The following KDM2B variants were observed in gnomAD, a reference collection of about 807,000 sequenced individuals.
KDM2B encodes the protein lysine demethylase 2B.
KDM2B carries 26 observed loss-of-function variants against 150.0 expected under a neutral mutation model. That is an observed-to-expected ratio of 0.17 (90% CI 0.13 to 0.24). The LOEUF (loss-of-function observed/expected upper bound fraction) is 0.24. KDM2B is among the 10% of genes least tolerant of loss of function. The probability of loss-of-function intolerance (pLI) is 1.00; values close to 1 mark genes in which losing one functional copy is unlikely to be tolerated. For synonymous variants in KDM2B, 734 were observed against 729.5 expected (o/e 1.01, Z -0.10); for missense variants, 1,265 against 1,816.9 (o/e 0.70, Z 5.52).
intron 6 of KDM2B, among the ~76,000 whole-genome samples, chr12:121,545,027 T>G (rs1888914274): frequency 6.6e-6 from 1 of 152,176 alleles, no homozygotes; most frequent in African/African-American, 2.4e-5. Context: ...CCTACTGCAG[T>G]CCTTCCCTCA....
downstream of KDM2B, among the ~76,000 whole-genome samples, chr12:121,426,560 C>T (rs1872521954): frequency 6.6e-6 from 1 of 151,624 alleles, no homozygotes; most frequent in South Asian, 2.1e-4. Context: ...GCCCTCCCGC[C>T]TCAGCCTCCC....
At chr12:121,439,764 T>C (rs1874666665) in intron 22 of KDM2B, 93 bp downstream of exon 22, 3 of 906,768 alleles carry the variant, frequency 3.3e-6, no homozygotes, top group South Asian at 2.9e-5. Flanking sequence ...TGTGACCACA[T>C]AGCTGTAGAC....
chr12:121,499,173 C>T (rs112336716), intron 11 of KDM2B, among the ~76,000 whole-genome samples: 2,791 of 146,922 alleles, frequency 0.019, 90 homozygotes, highest in African/African-American at 0.068. Context: ...TGCAGTGGCA[C>T]AATCTTAGCT....
intron 12 of KDM2B, among the ~76,000 whole-genome samples, chr12:121,487,703 G>A (rs1882914121): frequency 6.6e-6 from 1 of 151,816 alleles, no homozygotes; most frequent in African/African-American, 2.4e-5. Context: ...AACCCCCAGG[G>A]GCACATTCTC....
In KDM2B at chr12:121,444,198, C is replaced by T. The variant is rs1875721056; in HGVS notation, c.2265G>A (p.Arg755=). 6.2e-7 allele frequency: 1 copy of T among 1,613,052 alleles called. No individual in the cohort carries two copies. The highest frequency in any genetic ancestry group is 1.3e-5 in the African/African-American group (1 of 74,960). ...CAGGTTCCTGCCCTTCCTTGTTGTC[C>T]CGGTTCATCTTCTGCTCCTTGAGCA... ...GSLLKEQKMN[R]DNKEGQEPAK... Residue 755 remains arginine, a synonymous_variant, in exon 16 of 23, where the codon CGG becomes CGA. Transcript: ENST00000377071.
intron 12 of KDM2B, among the ~76,000 whole-genome samples, chr12:121,492,178 T>C (rs1883440256): frequency 6.6e-6 from 1 of 151,764 alleles, no homozygotes; most frequent in South Asian, 2.1e-4. Context: ...ATAAAAGAAA[T>C]AGAAGGTGAG....
chr12:121,538,562 G>A (rs911189856), intron 6 of KDM2B, among the ~76,000 whole-genome samples: 1 of 152,182 alleles, frequency 6.6e-6, no homozygotes, highest in Non-Finnish European at 1.5e-5. Context: ...GTGGCTTAGT[G>A]ACTGTGTACC....
chr12:121,464,843 G>C (rs1398131298), intron 12 of KDM2B, among the ~76,000 whole-genome samples: 1 of 152,202 alleles, frequency 6.6e-6, no homozygotes, highest in Non-Finnish European at 1.5e-5. Flanking sequence ...CTGCAAGCTG[G>C]AGACTCCAGA....
At chr12:121,409,451 A>G in the KDM2B span, 23 of 152,310 alleles carry the variant, frequency 1.5e-4, no homozygotes, top group African/African-American at 5.3e-4. Flanking sequence ...AGCCCTTTCC[A>G]CTCAGGAATT....
At chr12:121,532,179 C>T (rs1555307938) in intron 8 of KDM2B, among the ~76,000 whole-genome samples, 1 of 152,074 alleles carries the variant, frequency 6.6e-6, no homozygotes, top group Non-Finnish European at 1.5e-5. Context: ...CTCTACACAG[C>T]AGGACTATCA....
Position 121,518,440 on chromosome 12 carries a change from C to T in KDM2B, c.1047+2545G>A, listed in dbSNP as rs1040319761. Among the ~76,000 whole-genome samples the T allele has an allele frequency of 6.6e-5, 10 of 152,194 alleles. No homozygotes were observed. Among genetic ancestry groups the T allele is most frequent in the Non-Finnish European group, 1.2e-4 (8 of 68,032 alleles). On this transcript the variant is annotated intron_variant, in intron 9 of 22. Transcript: ENST00000377071. This position sits in a 1 kb window ranked among gnomAD's most constrained non-coding sequence, Gnocchi z 4.4. ...TGCCGCTGCTCCCAGCCCAGTCTGC[C>T]CCCAAGCCCCCGCTGCCAGCCTGCT...
intron 22 of KDM2B, among the ~76,000 whole-genome samples, chr12:121,436,934 G>A (rs781819409): frequency 2.6e-5 from 4 of 152,160 alleles, no homozygotes; most frequent in Admixed American, 6.5e-5. Context: ...CCCAGACTAG[G>A]GTTCTATACC....
In KDM2B at chr12:121,443,736, G is replaced by C; in HGVS notation, c.2509C>G (p.Leu837Val). 6.2e-7 allele frequency: 1 copy of C among 1,611,760 alleles called. No individual in the cohort carries two copies. The highest frequency in any genetic ancestry group is 8.5e-7 in the Non-Finnish European group (1 of 1,179,762). The change falls in exon 17 of 23, where the codon CTA (leucine) becomes GTA (valine). Residue 837 changes from leucine (L) to valine (V), a missense_variant. Coordinates refer to ENST00000377071, the MANE Select transcript of KDM2B (RefSeq NM_032590.5). ...SSSHLSPRPP[L>V]GSSLSPWWRS... ...CACCAGGGGCTGAGGCTGCTGCCTAGAGGGGGCCTCGGCGAGAGGTGAGAG... is the reference window on the plus strand; with the variant it reads ...CACCAGGGGCTGAGGCTGCTGCCTACAGGGGGCCTCGGCGAGAGGTGAGAG...
chr12:121,464,843 G>A (rs1398131298), intron 12 of KDM2B, among the ~76,000 whole-genome samples: 2 of 152,202 alleles, frequency 1.3e-5, no homozygotes, highest in Admixed American at 1.3e-4. Flanking sequence ...CTGCAAGCTG[G>A]AGACTCCAGA....
rs1455675582 is a variant in KDM2B, at chr12:121,453,977, G to A, written c.1735-633C>T. On this transcript the variant is annotated intron_variant, in intron 12 of 22. Transcript: ENST00000377071. This position sits in a 1 kb window ranked among gnomAD's most constrained non-coding sequence, Gnocchi z 6.4. ...TCTGCTCCCCAAGAAAGACCGCAAGGGGCCACACAATCGGTCTCTGTTCCC... is the reference window on the plus strand; with the variant it reads ...TCTGCTCCCCAAGAAAGACCGCAAGAGGCCACACAATCGGTCTCTGTTCCC... 3.3e-5 allele frequency among the ~76,000 whole-genome samples: 5 copies of A among 152,092 alleles called. No individual in the cohort carries two copies.
At chr12:121,570,948 A>C (rs1891043628) in intron 4 of KDM2B, among the ~76,000 whole-genome samples, 2 of 152,248 alleles carry the variant, frequency 1.3e-5, no homozygotes, top group African/African-American at 4.8e-5. Flanking sequence ...GTCCAAAAAC[A>C]AATGTTTTTG....
chr12:121,552,143 T>C (rs1555311914), intron 4 of KDM2B, among the ~76,000 whole-genome samples: 2 of 152,202 alleles, frequency 1.3e-5, no homozygotes, highest in Non-Finnish European at 2.9e-5. Context: ...AGGCGGGTTC[T>C]CTACATATAT....
chr12:121,422,480 C>G, the KDM2B span, among the ~76,000 whole-genome samples: 1 of 152,232 alleles, frequency 6.6e-6, no homozygotes, highest in Admixed American at 6.5e-5. Flanking sequence ...GCCATCTCAT[C>G]CCATAGATCC....
chr12:121,475,123 G>A (rs953174581), intron 12 of KDM2B, among the ~76,000 whole-genome samples: 5 of 151,480 alleles, frequency 3.3e-5, no homozygotes, highest in Non-Finnish European at 7.4e-5. Context: ...ATTCTATGAC[G>A]AAATTGCCTA....
Sources: allele counts gnomAD v4.1 joint callset (sites outside exome capture counted in the v4.1 genomes callset), GRCh38; gene constraint gnomAD v4.1.1; non-coding constraint Gnocchi (gnomAD v3.1); transcripts MANE v1.5; gene names NCBI Gene and HGNC (gene_info 2026-07-23, HGNC 2026-07-21).